CREB5: variants seen among roughly 807,000 people sequenced by gnomAD.
CREB5 encodes the protein cAMP responsive element binding protein 5, also known as cyclic AMP-responsive element-binding protein 5.
In CREB5, 19 loss-of-function variants were observed where a neutral mutation model predicts 57.1. That is an observed-to-expected ratio of 0.33 (90% CI 0.23 to 0.49). CREB5 has a LOEUF of 0.49. Among genes scored for constraint, CREB5 ranks in the 20% least tolerant of loss-of-function variants. CREB5 has a pLI of 0.99. For synonymous variants in CREB5, 238 were observed against 238.3 expected (o/e 1.00, Z 0.01); for missense variants, 579 against 671.6 (o/e 0.86, Z 1.52).
chr7:28,544,216 A>G (rs532579837), intron 4 of CREB5, among the ~76,000 whole-genome samples: 4 of 152,030 alleles, frequency 2.6e-5, no homozygotes, highest in Non-Finnish European at 5.9e-5. Context: ...ATTTTGCTTC[A>G]TTTGCTTGTT....
intron 5 of CREB5, among the ~76,000 whole-genome samples, chr7:28,714,471 C>T (rs1176421630): frequency 6.6e-6 from 1 of 152,156 alleles, no homozygotes; most frequent in Non-Finnish European, 1.5e-5. Context: ...GGTGGAGAGA[C>T]CCCTTCGCAC....
At chr7:28,568,951 G>A (rs573737715) in intron 4 of CREB5, among the ~76,000 whole-genome samples, 26 of 152,250 alleles carry the variant, frequency 1.7e-4, no homozygotes, top group East Asian at 1.4e-3. Flanking sequence ...ACACCAAAGC[G>A]CAGACAGATA....
intron 6 of CREB5, 92 bp from the exon 7 acceptor site, chr7:28,724,130 C>T (rs920460792): frequency 1.8e-6 from 2 of 1,091,720 alleles, no homozygotes; most frequent in Non-Finnish European, 2.6e-6. Context: ...CAAAGAAATA[C>T]TAAACGATCC....
At chr7:28,477,143 T>C (rs1415412036) in intron 1 of CREB5, among the ~76,000 whole-genome samples, 6 of 152,208 alleles carry the variant, frequency 3.9e-5, no homozygotes, top group Non-Finnish European at 7.3e-5. Flanking sequence ...TTGAATCATA[T>C]TTGAACAAGT....
At chr7:28,608,436 G>A (rs1332792823) in intron 5 of CREB5, among the ~76,000 whole-genome samples, 2 of 152,006 alleles carry the variant, frequency 1.3e-5, no homozygotes, top group Admixed American at 1.3e-4. Context: ...GTTGTTAAAG[G>A]GGAAACAGTA....
intron 1 of CREB5, among the ~76,000 whole-genome samples, chr7:28,341,083 A>T (rs571245449): frequency 6.6e-6 from 1 of 152,256 alleles, no homozygotes; most frequent in Non-Finnish European, 1.5e-5. Context: ...AGTTAAAACT[A>T]GGTACTGTGA....
intron 4 of CREB5, among the ~76,000 whole-genome samples, chr7:28,536,188 C>G (rs778334931): frequency 2.0e-5 from 3 of 152,150 alleles, no homozygotes; most frequent in African/African-American, 7.2e-5. Context: ...ATAAGGTACA[C>G]GAAGGGGGAT....
intron 1 of CREB5, among the ~76,000 whole-genome samples, chr7:28,352,099 T>C (rs977619943): frequency 2.6e-4 from 40 of 152,262 alleles, no homozygotes; most frequent in Admixed American, 1.1e-3. Flanking sequence ...TATGTTATCA[T>C]CAAAAATTAT....
chr7:28,300,868 A>G (rs749286566), intron 1 of CREB5, among the ~76,000 whole-genome samples: 10 of 152,158 alleles, frequency 6.6e-5, no homozygotes, highest in Admixed American at 6.5e-5. Context: ...AGTATGGTCC[A>G]CAGACACACA....
At chr7:28,632,832 T>C (rs894463509) in intron 5 of CREB5, among the ~76,000 whole-genome samples, 1 of 152,198 alleles carries the variant, frequency 6.6e-6, no homozygotes, top group African/African-American at 2.4e-5. Flanking sequence ...TAAAATGATA[T>C]TGTGTTTTTA....
At chr7:28,459,010 T>A (rs572454702) in intron 1 of CREB5, among the ~76,000 whole-genome samples, 1 of 152,320 alleles carries the variant, frequency 6.6e-6, no homozygotes, top group African/African-American at 2.4e-5. Flanking sequence ...TGTGCAGATC[T>A]GATGACAGTA....
intron 1 of CREB5, among the ~76,000 whole-genome samples, chr7:28,354,584 TC>T (rs1786303099): frequency 6.6e-6 from 1 of 152,278 alleles, no homozygotes; most frequent in Non-Finnish European, 1.5e-5. Flanking sequence ...GTTCTGTCCC[TC>T]CAGAGAACCC....
intron 5 of CREB5, among the ~76,000 whole-genome samples, chr7:28,650,129 T>C (rs1481172899): frequency 3.3e-5 from 5 of 152,224 alleles, no homozygotes; most frequent in African/African-American, 1.2e-4. Flanking sequence ...TACTTCATAC[T>C]GAAAACACAT....
chr7:28,345,118 A>G (rs1034928393), intron 1 of CREB5, among the ~76,000 whole-genome samples: 2 of 152,212 alleles, frequency 1.3e-5, no homozygotes, highest in East Asian at 1.9e-4. Flanking sequence ...ACAGAAATTA[A>G]CAAGGAAATA....
intron 1 of CREB5, among the ~76,000 whole-genome samples, chr7:28,475,626 T>A (rs1051008933): frequency 1.3e-5 from 2 of 152,070 alleles, no homozygotes; most frequent in Non-Finnish European, 2.9e-5. Flanking sequence ...TGTCACAATC[T>A]GTGTCAGTCT....
intron 7 of CREB5, among the ~76,000 whole-genome samples, chr7:28,772,439 G>A (rs1806378805): frequency 6.6e-6 from 1 of 152,120 alleles, no homozygotes; most frequent in African/African-American, 2.4e-5. Flanking sequence ...GGCGCCGCTC[G>A]AGCCTCGCCA....
chr7:28,654,016 C>T (rs1199120054), intron 5 of CREB5, among the ~76,000 whole-genome samples: 3 of 152,046 alleles, frequency 2.0e-5, no homozygotes, highest in African/African-American at 4.8e-5. Context: ...TGTGGATTTT[C>T]CCCCATTTAC....
chr7:28,341,126 G>A (rs988278798), intron 1 of CREB5, among the ~76,000 whole-genome samples: 2 of 152,104 alleles, frequency 1.3e-5, no homozygotes, highest in Non-Finnish European at 2.9e-5. Context: ...TTATGAAGGT[G>A]CTTTGTTGGG....
chr7:28,746,073 C>T (rs1804667086), intron 7 of CREB5, among the ~76,000 whole-genome samples: 1 of 152,182 alleles, frequency 6.6e-6, no homozygotes, highest in Admixed American at 6.5e-5. Flanking sequence ...ATCAAAGCCA[C>T]CTCTCCCCTT....
Sources: gnomAD v4.1 joint callset for allele counts (sites outside exome capture counted in the v4.1 genomes callset) on GRCh38, gnomAD v4.1.1 for gene constraint, MANE v1.5 for transcripts, NCBI Gene and HGNC (gene_info 2026-07-23, HGNC 2026-07-21) for gene names.